The following ORMDL1 variants were observed in gnomAD, a reference collection of about 807,000 sequenced individuals.
The protein encoded by ORMDL1 is ORM1-like protein 1.
Under a neutral mutation model 13.0 loss-of-function variants are expected in ORMDL1, and 10 were observed. That is an observed-to-expected ratio of 0.77 (90% CI 0.47 to 1.30). The LOEUF is 1.30. Ranked by LOEUF, ORMDL1 falls within the 50% of genes most tolerant of loss-of-function variation. The pLI, the probability that ORMDL1 is intolerant of heterozygous loss-of-function variation, is 0.00. For synonymous variants in ORMDL1, 61 were observed against 63.9 expected (o/e 0.95, Z 0.22); for missense variants, 171 against 186.7 (o/e 0.92, Z 0.49).
At chr2:189,780,790 C>G (rs1388294487) in intron 3 of ORMDL1, among the ~76,000 whole-genome samples, 5 of 152,136 alleles carry the variant, frequency 3.3e-5, no homozygotes, top group Non-Finnish European at 4.4e-5. Context: ...AAGAAAACAT[C>G]GTTTGCTCTT....
Position 189,783,136 on chromosome 2 carries a change from T to C in ORMDL1, c.-117-13A>G, listed in dbSNP as rs375129123. The stretch of plus-strand genomic sequence containing the variant: ...TGGAAGGTACATGCTGTTGACATAA[T>C]GTGGTGTAAAATTTACATGGTCAAG... On this transcript the variant is annotated splice_polypyrimidine_tract_variant and intron_variant, in intron 1 of 4. Transcript: ENST00000392349. 9.8e-5 allele frequency: 15 copies of C among 152,478 alleles called. No homozygotes were observed. The highest frequency in any genetic ancestry group is 3.1e-4 in the African/African-American group (13 of 41,452). 9.4% of individuals were successfully genotyped at this position (152,478 alleles called of 1,614,324 possible).
chr2:189,778,298 G>A, intron 3 of ORMDL1: 2 of 430,128 alleles, frequency 4.6e-6, no homozygotes, highest in Non-Finnish European at 9.3e-6. Context: ...AGGAGGCTGA[G>A]GCAGGAGAAT....
At chr2:189,767,168 T>C (rs2047496111), downstream of ORMDL1, among the ~76,000 whole-genome samples, 1 of 152,228 alleles carries the variant, frequency 6.6e-6, no homozygotes, top group South Asian at 2.1e-4. Flanking sequence ...GGAATCTCCA[T>C]ACTCAGATGA....
Position 189,771,739 on chromosome 2 carries a change from TA to T in ORMDL1, c.*27del. 6.4e-7 allele frequency: 1 copy of T among 1,561,048 alleles called. No individual in the cohort carries two copies. The highest frequency in any genetic ancestry group is 8.7e-7 in the Non-Finnish European group (1 of 1,155,360). The stretch of plus-strand genomic sequence containing the variant: ...TTCCTTATAAGAAATTCAGTAGCTG[TA>T]AAATTTTTTTTCAGTTTCAAAACAT... On this transcript the variant is annotated 3_prime_UTR_variant, in exon 5 of 5. Transcript: ENST00000392349.
intron 4 of ORMDL1, among the ~76,000 whole-genome samples, chr2:189,774,571 A>G: frequency 6.6e-6 from 1 of 152,228 alleles, no homozygotes; most frequent in East Asian, 1.9e-4. Context: ...ATTATTATGT[A>G]TAGGCTAGAT....
At chr2:189,766,060 C>T (rs1314446370), downstream of ORMDL1, among the ~76,000 whole-genome samples, 4 of 151,808 alleles carry the variant, frequency 2.6e-5, no homozygotes, top group African/African-American at 7.2e-5. Context: ...CTCTTGACCT[C>T]GTGATCCACC....
At chr2:189,781,672 GA>G (rs879493716) in intron 3 of ORMDL1, among the ~76,000 whole-genome samples, 19 of 144,352 alleles carry the variant, frequency 1.3e-4, no homozygotes, top group East Asian at 4.0e-4. Context: ...TATACAATGA[GA>G]AAAAAAAAAG....
At chr2:189,783,986 G>A (rs1335151865) in intron 1 of ORMDL1, 2 of 152,394 alleles carry the variant, frequency 1.3e-5, no homozygotes, top group Non-Finnish European at 2.9e-5. Flanking sequence ...GAGCGCTCTG[G>A]GCCAGAGAAA....
At position 189,782,997 on chromosome 2, in the gene ORMDL1, G is replaced by C; in HGVS notation, c.-8+17C>G. On this transcript the variant is annotated intron_variant, in intron 2 of 4. Coordinates refer to ENST00000392349, the MANE Select transcript of ORMDL1 (RefSeq NM_016467.5). ...CAACATAATAAATTTATATTAAAAA[G>C]AAAAAGCAGAACTCACCGAGCCAGT... 1 of 165,608 alleles carries C rather than the reference G, an allele frequency of 6.0e-6. No individual in the cohort carries two copies. The highest frequency in any genetic ancestry group is 1.3e-5 in the Non-Finnish European group (1 of 74,788). 10.3% of individuals were successfully genotyped at this position (165,608 alleles called of 1,614,324 possible).
At chr2:189,768,582 C>T (rs1262473653), downstream of ORMDL1, among the ~76,000 whole-genome samples, 1 of 152,118 alleles carries the variant, frequency 6.6e-6, no homozygotes, top group Non-Finnish European at 1.5e-5. Flanking sequence ...AAATCAATTT[C>T]ATATGTGAAG....
At chr2:189,781,982 A>G (rs1466465841) in intron 3 of ORMDL1, among the ~76,000 whole-genome samples, 1 of 150,138 alleles carries the variant, frequency 6.7e-6, no homozygotes, top group African/African-American at 2.5e-5. Context: ...TCACTCTGTC[A>G]CCTAGGCTGG....
chr2:189,778,412 T>A (rs1297368220), intron 3 of ORMDL1: 1 of 455,282 alleles, frequency 2.2e-6, no homozygotes, highest in Non-Finnish European at 4.4e-6. Context: ...AAGGACTAAC[T>A]TATTCGGCAA....
chr2:189,783,726 T>TA (rs750680161), intron 1 of ORMDL1, among the ~76,000 whole-genome samples: 4 of 152,258 alleles, frequency 2.6e-5, no homozygotes, highest in Non-Finnish European at 4.4e-5. Context: ...ACACTCAAGA[T>TA]AGTTTTCCCA....
At chr2:189,780,731 C>G (rs539407213) in intron 3 of ORMDL1, among the ~76,000 whole-genome samples, 1 of 152,192 alleles carries the variant, frequency 6.6e-6, no homozygotes, top group East Asian at 1.9e-4. Context: ...GAAGTTTCAA[C>G]AAAAGTGAGA....
intron 3 of ORMDL1, among the ~76,000 whole-genome samples, chr2:189,778,888 C>T (rs111524316): frequency 6.6e-6 from 1 of 151,862 alleles, no homozygotes; most frequent in African/African-American, 2.4e-5. Context: ...CAGAGAGACT[C>T]CATCTCAAAA....
chr2:189,766,792 GC>G (rs1383693448), downstream of ORMDL1, among the ~76,000 whole-genome samples: 6 of 151,892 alleles, frequency 4.0e-5, no homozygotes, highest in African/African-American at 1.4e-4. Flanking sequence ...CCAGCCCTTG[GC>G]AACCACCATT....
At chr2:189,776,416 G>GA (rs944665121) in intron 3 of ORMDL1, among the ~76,000 whole-genome samples, 1 of 151,884 alleles carries the variant, frequency 6.6e-6, no homozygotes, top group African/African-American at 2.4e-5. Context: ...CAATAGGGTA[G>GA]AAAAAAACCA....
chr2:189,782,637 C>G (rs770860939), intron 2 of ORMDL1, 35 bp from the exon 3 acceptor site: 1 of 1,579,332 alleles, frequency 6.3e-7, no homozygotes, highest in East Asian at 2.3e-5. Flanking sequence ...AACACTGATA[C>G]AACTGGCAAC....
chr2:189,767,681 C>T (rs2047505489), downstream of ORMDL1, among the ~76,000 whole-genome samples: 1 of 152,148 alleles, frequency 6.6e-6, no homozygotes, highest in Non-Finnish European at 1.5e-5. Context: ...TGAACGGACA[C>T]TGTGATAAAC....
Sources: gnomAD v4.1 joint callset for allele counts (sites outside exome capture counted in the v4.1 genomes callset) on GRCh38, gnomAD v4.1.1 for gene constraint, MANE v1.5 for transcripts, NCBI Gene and HGNC (gene_info 2026-07-23, HGNC 2026-07-21) for gene names.